Variants in PLPP1 observed in about 807,000 individuals in gnomAD.
PLPP1 encodes phospholipid phosphatase 1.
Under a neutral mutation model 31.2 loss-of-function variants are expected in PLPP1, and 24 were observed. That is an observed-to-expected ratio of 0.77 (90% CI 0.56 to 1.08). The LOEUF (loss-of-function observed/expected upper bound fraction) is 1.08, where lower values mean the gene tolerates loss of function less well. Among genes scored for constraint, PLPP1 ranks in the 50% least tolerant of loss-of-function variants. The pLI, the probability that PLPP1 is intolerant of heterozygous loss-of-function variation, is 0.00. For synonymous variants in PLPP1, 146 were observed against 126.3 expected (o/e 1.16, Z -1.05); for missense variants, 319 against 342.7 (o/e 0.93, Z 0.55).
intron 1 of PLPP1, among the ~76,000 whole-genome samples, chr5:55,532,669 C>A (rs964229976): frequency 1.3e-5 from 2 of 152,058 alleles, no homozygotes; most frequent in African/African-American, 4.8e-5. Flanking sequence ...TTTATAAAGA[C>A]AGTGTTCAGT....
intron 4 of PLPP1, among the ~76,000 whole-genome samples, chr5:55,435,128 A>G (rs1439083320): frequency 2.0e-5 from 3 of 152,252 alleles, no homozygotes; most frequent in Non-Finnish European, 2.9e-5. Flanking sequence ...CAAATGGCCA[A>G]TAGGTATATG....
intron 1 of PLPP1, 141 bp from the exon 2 acceptor site, chr5:55,475,591 G>A: frequency 1.4e-6 from 1 of 697,788 alleles, no homozygotes; most frequent in South Asian, 2.2e-5. Context: ...AGGAAATGCA[G>A]CAATGCATGC....
chr5:55,502,154 T>G (rs2111884057), intron 1 of PLPP1, among the ~76,000 whole-genome samples: 1 of 152,256 alleles, frequency 6.6e-6, no homozygotes, highest in South Asian at 2.1e-4. Flanking sequence ...ATACATAATT[T>G]TATCTAGGGC....
At chr5:55,532,418 C>T (rs1740700930) in intron 1 of PLPP1, among the ~76,000 whole-genome samples, 1 of 152,038 alleles carries the variant, frequency 6.6e-6, no homozygotes, top group South Asian at 2.1e-4. Flanking sequence ...TCTGATAGTG[C>T]ACAATATGTG....
At chr5:55,503,742 G>A (rs1753196032) in intron 1 of PLPP1, among the ~76,000 whole-genome samples, 1 of 145,262 alleles carries the variant, frequency 6.9e-6, no homozygotes, top group African/African-American at 2.6e-5. Flanking sequence ...TCGTGCCACT[G>A]CACTCCAGCC....
intron 1 of PLPP1, among the ~76,000 whole-genome samples, chr5:55,511,905 G>A (rs1259307125): frequency 3.3e-5 from 5 of 150,674 alleles, no homozygotes; most frequent in South Asian, 2.1e-4. Flanking sequence ...TCCTGACCTC[G>A]TGATCCGTCC....
chr5:55,468,297 G>C (rs1339481963), intron 2 of PLPP1, 148 bp from the exon 3 acceptor site: 1 of 678,546 alleles, frequency 1.5e-6, no homozygotes, highest in Non-Finnish European at 2.4e-6. Context: ...TTACAATGGA[G>C]AGTCAACTTA....
intron 3 of PLPP1, 47 bp from the exon 4 acceptor site, chr5:55,441,955 A>G (rs1429340037): frequency 1.3e-6 from 2 of 1,562,938 alleles, no homozygotes; most frequent in East Asian, 2.2e-5. Context: ...TTAGGAGCCA[A>G]AAGTATTGTT....
chr5:55,467,656 A>G (rs1752333642), intron 3 of PLPP1, among the ~76,000 whole-genome samples: 1 of 152,138 alleles, frequency 6.6e-6, no homozygotes, highest in Admixed American at 6.5e-5. Context: ...GGCGATGAAA[A>G]AAAGAGCTGC....
At chr5:55,435,646 A>G (rs1163696918) in intron 4 of PLPP1, among the ~76,000 whole-genome samples, 2 of 152,186 alleles carry the variant, frequency 1.3e-5, no homozygotes, top group African/African-American at 4.8e-5. Flanking sequence ...CTAGAACTGG[A>G]AAGGAAGAGA....
At chr5:55,517,435 G>T (rs754098270) in intron 1 of PLPP1, among the ~76,000 whole-genome samples, 1 of 151,906 alleles carries the variant, frequency 6.6e-6, no homozygotes, top group Non-Finnish European at 1.5e-5. Flanking sequence ...GGGCTCAAGC[G>T]ACCTGCCCAC....
chr5:55,503,946 G>A (rs1223792949), intron 1 of PLPP1, among the ~76,000 whole-genome samples: 1 of 145,086 alleles, frequency 6.9e-6, no homozygotes, highest in African/African-American at 2.6e-5. Context: ...GGGAGGGAGG[G>A]GTGGTTCTTA....
At chr5:55,526,983 G>C (rs2111951982) in intron 1 of PLPP1, among the ~76,000 whole-genome samples, 1 of 149,790 alleles carries the variant, frequency 6.7e-6, no homozygotes. Context: ...CAAGTGGTCA[G>C]GATAGGCACC....
chr5:55,502,386 C>CTGAGTA (rs1278782020), intron 1 of PLPP1, among the ~76,000 whole-genome samples: 4 of 151,948 alleles, frequency 2.6e-5, no homozygotes, highest in Non-Finnish European at 1.5e-5. Context: ...ACTCGGAAGG[C>CTGAGTA]TGAGGCAGGA....
intron 1 of PLPP1, among the ~76,000 whole-genome samples, chr5:55,482,088 A>T (rs1752677537): frequency 6.8e-6 from 1 of 147,674 alleles, no homozygotes; most frequent in Non-Finnish European, 1.5e-5. Context: ...TTATATATTT[A>T]TATTTAAATA....
At position 55,534,672 on chromosome 5, in the gene PLPP1, G is replaced by C; in HGVS notation, c.-43C>G. ...CCCGGCAAGGGCGATGGACTGAGCT[G>C]CGGGACGGCGGCCGAGGCCCTTGAT... is the stretch of plus-strand genomic sequence containing the variant. On this transcript the variant is annotated 5_prime_UTR_variant, in exon 1 of 6. Transcript: ENST00000307259. 6.6e-7 allele frequency: 1 copy of C among 1,513,468 alleles called. No homozygotes were observed. The highest frequency in any genetic ancestry group is 1.2e-5 in the South Asian group (1 of 80,726). 93.8% of individuals were successfully genotyped at this position (1,513,468 alleles called of 1,614,324 possible).
At chr5:55,483,450 T>C (rs909330574) in intron 1 of PLPP1, among the ~76,000 whole-genome samples, 5 of 152,176 alleles carry the variant, frequency 3.3e-5, no homozygotes, top group African/African-American at 1.2e-4. Context: ...GGTGGGCAGA[T>C]CACATGAGGT....
intron 1 of PLPP1, among the ~76,000 whole-genome samples, chr5:55,522,261 C>T (rs894696948): frequency 4.6e-5 from 7 of 152,172 alleles, no homozygotes; most frequent in African/African-American, 1.7e-4. Context: ...TATAACAACG[C>T]TATTTGAAGA....
chr5:55,513,278 A>T (rs12658194), intron 1 of PLPP1, among the ~76,000 whole-genome samples: 1,275 of 115,220 alleles, frequency 0.011, 3 homozygotes, highest in Middle Eastern at 0.016. Context: ...CTTTTTTTTT[A>T]AGACAGAGTC....
Sources: allele counts gnomAD v4.1 joint callset (sites outside exome capture counted in the v4.1 genomes callset), GRCh38; gene constraint gnomAD v4.1.1; transcripts MANE v1.5; gene names NCBI Gene and HGNC (gene_info 2026-07-23, HGNC 2026-07-21).